ONECUT2: variants seen among roughly 807,000 people sequenced by gnomAD.
The protein encoded by ONECUT2 is one cut domain family member 2.
In ONECUT2, 10 loss-of-function variants were observed where a neutral mutation model predicts 27.9. That is an observed-to-expected ratio of 0.36 (90% CI 0.22 to 0.61). ONECUT2 has a LOEUF of 0.61. Ranked by LOEUF, ONECUT2 falls within the 20% of genes least tolerant of loss-of-function variation. The pLI is 0.73. For synonymous variants in ONECUT2, 334 were observed against 315.1 expected (o/e 1.06, Z -0.64); for missense variants, 686 against 721.0 (o/e 0.95, Z 0.56).
At chr18:57,451,249 C>G (rs1190602178) in intron 1 of ONECUT2, among the ~76,000 whole-genome samples, 2 of 152,196 alleles carry the variant, frequency 1.3e-5, no homozygotes, top group Non-Finnish European at 2.9e-5. Context: ...TGAAAGCATT[C>G]CAGATTTTTA....
intron 1 of ONECUT2, among the ~76,000 whole-genome samples, chr18:57,446,879 A>G (rs2144304964): frequency 6.6e-6 from 1 of 152,324 alleles, no homozygotes; most frequent in Middle Eastern, 3.4e-3. Context: ...GTGGGAGGGA[A>G]AACGAATGAT....
At position 57,436,562 on chromosome 18, in the gene ONECUT2, C is replaced by T; in HGVS notation, c.846C>T (p.Gly282=). 3 of 1,611,408 alleles carry T rather than the reference C, an allele frequency of 1.9e-6. No homozygotes were observed. The highest frequency in any genetic ancestry group is 2.5e-6 in the Non-Finnish European group (3 of 1,179,886). Reference sequence around the variant, plus strand: ...AGCAACACCTGTCCCGCGGCCTGGGCACCCCACCTGCGGCCATGATGTCGC... The same window carrying T: ...AGCAACACCTGTCCCGCGGCCTGGGTACCCCACCTGCGGCCATGATGTCGC... The part of the protein sequence containing the change: ...RGEQHLSRGL[G]TPPAAMMSHL... Residue 282 remains glycine (G), a synonymous_variant, in exon 1 of 2, where the codon GGC becomes GGT. Transcript: ENST00000491143. This position sits in a 1 kb window ranked among gnomAD's most constrained non-coding sequence, Gnocchi z 5.9.
At chr18:57,439,081 A>G (rs922559002) in intron 1 of ONECUT2, among the ~76,000 whole-genome samples, 2 of 152,370 alleles carry the variant, frequency 1.3e-5, no homozygotes, top group South Asian at 2.1e-4. Context: ...CCGGTCGCGC[A>G]AAGAACACAG....
intron 1 of ONECUT2, among the ~76,000 whole-genome samples, chr18:57,450,171 C>A (rs1391880495): frequency 6.6e-6 from 1 of 152,064 alleles, no homozygotes; most frequent in Non-Finnish European, 1.5e-5. Context: ...AGGGGGTATT[C>A]TTTTCTTATT....
In ONECUT2 at chr18:57,435,983, G is replaced by A. The variant is rs1385105700; in HGVS notation, c.267G>A (p.Gln89=). The A allele has an allele frequency of 6.1e-6, 9 of 1,470,414 alleles. No homozygotes were observed. Among genetic ancestry groups the A allele is most frequent in the Non-Finnish European group, 8.1e-6 (9 of 1,115,462 alleles). The allele number at this position is 1,470,414 out of a possible 1,614,324, so 91.1% of individuals were successfully genotyped here. A position where few individuals can be genotyped will look rare whatever the true frequency, so the allele number is the denominator to read the frequency against. The change falls in exon 1 of 2, where the codon CAG becomes CAA. Residue 89 remains glutamine, a synonymous_variant. Transcript: ENST00000491143. ...RGPPPPPTAH[Q]ELGTAAAAAA... is the part of the protein sequence containing the mutation. ...CTCCGCCGCCTCCAACCGCGCACCA[G>A]GAGCTGGGCACGGCGGCAGCGGCGG...
At position 57,478,894 on chromosome 18, in the gene ONECUT2, A is replaced by G. The variant is rs2050400454; in HGVS notation, c.*2171A>G. 6.6e-6 allele frequency: 1 copy of G among 152,404 alleles called. No individual in the cohort carries two copies. Among genetic ancestry groups the G allele is most frequent in the Non-Finnish European group, 1.5e-5 (1 of 68,008 alleles). The allele number at this position is 152,404 out of a possible 1,614,324, so 9.4% of individuals were successfully genotyped here. On this transcript the variant is annotated 3_prime_UTR_variant, in exon 2 of 2. Coordinates refer to ENST00000491143, the MANE Select transcript of ONECUT2 (RefSeq NM_004852.3). ...GAGCAACAAAAGGAAAGGGCCATTT[A>G]TTTGATTTTATTGTTTCATTTCAAT...
At chr18:57,459,348 G>A (rs564823781) in intron 1 of ONECUT2, among the ~76,000 whole-genome samples, 157 of 152,266 alleles carry the variant, frequency 1.0e-3, no homozygotes, top group Non-Finnish European at 1.8e-3. Flanking sequence ...GGGTCACTAC[G>A]TAATGAGAAA....
intron 1 of ONECUT2, among the ~76,000 whole-genome samples, chr18:57,475,148 C>T (rs1031504161): frequency 6.6e-6 from 1 of 151,644 alleles, no homozygotes; most frequent in Non-Finnish European, 1.5e-5. Context: ...CTTCCACCTC[C>T]TGGGTTCAAG....
At chr18:57,456,567 A>G (rs929968942) in intron 1 of ONECUT2, among the ~76,000 whole-genome samples, 2 of 152,230 alleles carry the variant, frequency 1.3e-5, no homozygotes, top group African/African-American at 4.8e-5. Flanking sequence ...GGAAAGTACA[A>G]TGGTGCTTGC....
chr18:57,439,714 G>A (rs1339573111), intron 1 of ONECUT2, among the ~76,000 whole-genome samples: 2 of 152,238 alleles, frequency 1.3e-5, no homozygotes, highest in East Asian at 1.9e-4. Flanking sequence ...TTGGGCCCCG[G>A]GGGTTTAACA....
chr18:57,456,349 G>C (rs647765), intron 1 of ONECUT2, among the ~76,000 whole-genome samples: 144,749 of 152,316 alleles, frequency 0.95, 69,186 homozygotes, highest in East Asian at 1. Context: ...AGTTCATCAA[G>C]AGGTGAATGG....
intron 1 of ONECUT2, among the ~76,000 whole-genome samples, chr18:57,455,415 A>G (rs552197432): frequency 3.9e-5 from 6 of 152,284 alleles, no homozygotes; most frequent in Admixed American, 3.3e-4. Context: ...CCTGACCCCA[A>G]ATTACTTTCA....
Position 57,436,816 on chromosome 18 carries a change from C to T in ONECUT2, c.1100C>T (p.Thr367Ile). The T allele has an allele frequency of 6.2e-7, 1 of 1,614,018 alleles. No homozygotes were observed. The highest frequency in any genetic ancestry group is 8.5e-7 in the Non-Finnish European group (1 of 1,180,038). Residue 367 changes from threonine to isoleucine, a missense_variant, in exon 1 of 2, where the codon ACT (threonine) becomes ATT (isoleucine). Coordinates refer to ENST00000491143, the MANE Select transcript of ONECUT2 (RefSeq NM_004852.3). The surrounding 1 kb of genome is among the most constrained non-coding windows in gnomAD (Gnocchi z 5.9). ...AGGGTGCTGTGCCGGTCTCAGGGGA[C>T]TCTCTCCGACCTGCTCCGGAATCCA... The part of the protein sequence containing the change: ...AQRVLCRSQG[T>I]LSDLLRNPKP...
chr18:57,436,499 C>A lies in ONECUT2; in HGVS notation c.783C>A (p.Asn261Lys). The A allele has an allele frequency of 6.2e-7, 1 of 1,613,412 alleles. No individual in the cohort carries two copies. Among genetic ancestry groups the A allele is most frequent in the Non-Finnish European group, 8.5e-7 (1 of 1,179,894 alleles). Residue 261 changes from asparagine (N) to lysine (K), a missense_variant, in exon 1 of 2, where the codon AAC becomes AAA. Physicochemically the swap from Asn to Lys is moderately conservative, Grantham distance 94. Coordinates refer to ENST00000491143, the MANE Select transcript of ONECUT2 (RefSeq NM_004852.3). This position sits in a 1 kb window ranked among gnomAD's most constrained non-coding sequence, Gnocchi z 5.9. Reference sequence around the variant, plus strand: ...GCCACGACAAAATGCTCAGCCCCAACTTCGACGCGCACCACACTGCCATGC... The same window carrying A: ...GCCACGACAAAATGCTCAGCCCCAAATTCGACGCGCACCACACTGCCATGC... ...PPGHDKMLSP[N>K]FDAHHTAMLT...
At chr18:57,465,988 C>T (rs2050319084) in intron 1 of ONECUT2, among the ~76,000 whole-genome samples, 1 of 152,328 alleles carries the variant, frequency 6.6e-6, no homozygotes, top group South Asian at 2.1e-4. Context: ...TACTGCACAT[C>T]GAGGGCTCCT....
chr18:57,449,027 G>T (rs1388074296), intron 1 of ONECUT2, among the ~76,000 whole-genome samples: 1 of 152,172 alleles, frequency 6.6e-6, no homozygotes, highest in East Asian at 1.9e-4. Context: ...CACTTTCAAT[G>T]ACTAACCCTT....
intron 1 of ONECUT2, among the ~76,000 whole-genome samples, chr18:57,443,782 G>A (rs2050187758): frequency 6.6e-6 from 1 of 152,180 alleles, no homozygotes; most frequent in South Asian, 2.1e-4. Context: ...AGGATTCCTA[G>A]AAGCTGTGGA....
intron 1 of ONECUT2, among the ~76,000 whole-genome samples, chr18:57,475,831 C>T (rs1254851120): frequency 6.6e-6 from 1 of 152,138 alleles, no homozygotes; most frequent in Non-Finnish European, 1.5e-5. Flanking sequence ...GTCTTTCTCT[C>T]CCTTGGTCTT....
At chr18:57,449,891 A>C (rs1293219544) in intron 1 of ONECUT2, among the ~76,000 whole-genome samples, 1 of 152,218 alleles carries the variant, frequency 6.6e-6, no homozygotes, top group Non-Finnish European at 1.5e-5. Context: ...TGCAAATGAC[A>C]GAACAGCCTT....
Sources: allele counts gnomAD v4.1 joint callset (sites outside exome capture counted in the v4.1 genomes callset), GRCh38; gene constraint gnomAD v4.1.1; non-coding constraint Gnocchi (gnomAD v3.1); transcripts MANE v1.5; gene names NCBI Gene and HGNC (gene_info 2026-07-23, HGNC 2026-07-21).